ARB2A: variants seen among roughly 807,000 people sequenced by gnomAD.
The protein encoded by ARB2A is ARB2 cotranscriptional regulator A.
the ARB2A span, among the ~76,000 whole-genome samples, chr5:93,902,250 C>T: frequency 6.6e-5 from 10 of 152,028 alleles, no homozygotes; most frequent in Admixed American, 1.3e-4. Context: ...ATAATTACTA[C>T]AGTAAAATAG....
chr5:93,739,584 TACTA>T, the ARB2A span: 4 of 152,102 alleles, frequency 2.6e-5, no homozygotes, highest in Non-Finnish European at 5.9e-5. Flanking sequence ...AACACAGAGG[TACTA>T]AATGGTTTCC....
the ARB2A span, among the ~76,000 whole-genome samples, chr5:93,839,612 T>G: frequency 1.3e-5 from 2 of 152,136 alleles, no homozygotes; most frequent in African/African-American, 4.8e-5. Context: ...AGCTCTTCTT[T>G]ATACACCTGA....
At chr5:93,884,303 T>C in the ARB2A span, among the ~76,000 whole-genome samples, 7 of 151,636 alleles carry the variant, frequency 4.6e-5, no homozygotes, top group African/African-American at 1.7e-4. Flanking sequence ...TTAGAAATCA[T>C]AGATTGAAAA....
At chr5:94,059,593 C>T in the ARB2A span, among the ~76,000 whole-genome samples, 3 of 139,574 alleles carry the variant, frequency 2.1e-5, no homozygotes, top group Non-Finnish European at 4.5e-5. Context: ...TGCACTCCAG[C>T]CTGGGTGACA....
At chr5:93,919,482 A>G in the ARB2A span, among the ~76,000 whole-genome samples, 1 of 152,192 alleles carries the variant, frequency 6.6e-6, no homozygotes. Context: ...TCATTGTAGA[A>G]TAAGGTACAT....
the ARB2A span, among the ~76,000 whole-genome samples, chr5:93,918,146 C>G: frequency 1.3e-5 from 2 of 152,142 alleles, no homozygotes; most frequent in Admixed American, 6.5e-5. Flanking sequence ...CCTGTTTTCT[C>G]AAACTGAACC....
chr5:93,913,256 A>G, the ARB2A span, among the ~76,000 whole-genome samples: 1 of 152,014 alleles, frequency 6.6e-6, no homozygotes, highest in Middle Eastern at 3.4e-3. Flanking sequence ...ACTAATCAAC[A>G]AGATTTTCTG....
At chr5:93,738,335 A>G in the ARB2A span, 1 of 152,800 alleles carries the variant, frequency 6.5e-6, no homozygotes, top group Non-Finnish European at 1.5e-5. Flanking sequence ...GAACTCTTGT[A>G]GATTGCTGGT....
At chr5:94,026,675 C>T in the ARB2A span, among the ~76,000 whole-genome samples, 71 of 152,244 alleles carry the variant, frequency 4.7e-4, 1 homozygote, top group East Asian at 0.01. Context: ...GAGTAAAGTA[C>T]GCCAAATGGG....
the ARB2A span, among the ~76,000 whole-genome samples, chr5:93,941,898 T>C: frequency 3.3e-5 from 5 of 152,182 alleles, no homozygotes; most frequent in Admixed American, 2.0e-4. Context: ...TACTCTTCAC[T>C]TGACCATAGA....
At chr5:94,024,581 C>A in the ARB2A span, among the ~76,000 whole-genome samples, 1 of 152,044 alleles carries the variant, frequency 6.6e-6, no homozygotes, top group African/African-American at 2.4e-5. Context: ...CACCACCACA[C>A]ACCTAGTAAA....
the ARB2A span, among the ~76,000 whole-genome samples, chr5:93,749,503 T>C: frequency 6.6e-6 from 1 of 152,182 alleles, no homozygotes; most frequent in Non-Finnish European, 1.5e-5. Context: ...ATTATGAAGT[T>C]CTTACTATAT....
chr5:94,028,995 A>G, the ARB2A span, among the ~76,000 whole-genome samples: 3 of 151,384 alleles, frequency 2.0e-5, no homozygotes, highest in Admixed American at 2.0e-4. Flanking sequence ...TGGCGGGGGG[A>G]GGGAGTGTTT....
At chr5:93,908,524 T>C in the ARB2A span, among the ~76,000 whole-genome samples, 1 of 150,754 alleles carries the variant, frequency 6.6e-6, no homozygotes, top group African/African-American at 2.4e-5. Flanking sequence ...TACAATGAAG[T>C]CTAATACAAA....
the ARB2A span, among the ~76,000 whole-genome samples, chr5:93,673,293 T>A: frequency 6.6e-6 from 1 of 152,150 alleles, no homozygotes; most frequent in Non-Finnish European, 1.5e-5. Flanking sequence ...CAAGAATCTT[T>A]GTGTTCAGCA....
chr5:93,766,278 C>A, the ARB2A span, among the ~76,000 whole-genome samples: 1 of 152,006 alleles, frequency 6.6e-6, no homozygotes, highest in Non-Finnish European at 1.5e-5. Context: ...AAAAGTTTTG[C>A]AATCCACTCA....
chr5:93,978,238 C>G, the ARB2A span, among the ~76,000 whole-genome samples: 1 of 152,000 alleles, frequency 6.6e-6, no homozygotes, highest in African/African-American at 2.4e-5. Flanking sequence ...GGACTTAGCA[C>G]TCAAACCAGC....
the ARB2A span, among the ~76,000 whole-genome samples, chr5:93,783,182 G>A: frequency 2.0e-5 from 3 of 152,172 alleles, 1 homozygote; most frequent in Admixed American, 2.0e-4. Flanking sequence ...CTAGTTATGT[G>A]AGCGGGGAAA....
chr5:93,654,030 T>C, the ARB2A span, among the ~76,000 whole-genome samples: 1 of 152,238 alleles, frequency 6.6e-6, no homozygotes, highest in African/African-American at 2.4e-5. Context: ...TTTATTGAAT[T>C]ACTCTTGTAT....
Sources: allele counts gnomAD v4.1 joint callset (sites outside exome capture counted in the v4.1 genomes callset), GRCh38; gene constraint gnomAD v4.1.1; transcripts MANE v1.5; gene names NCBI Gene and HGNC (gene_info 2026-07-23, HGNC 2026-07-21).